Variants in PCDHGA5 observed in about 807,000 individuals in gnomAD.
The protein encoded by PCDHGA5 is protocadherin gamma-A5.
Under a neutral mutation model 56.7 loss-of-function variants are expected in PCDHGA5, and 36 were observed. The observed-to-expected ratio is 0.64, with a 90% CI of 0.49 to 0.84. The LOEUF (loss-of-function observed/expected upper bound fraction) is 0.84. PCDHGA5 is among the 40% of genes least tolerant of loss of function. The pLI, the probability that PCDHGA5 is intolerant of heterozygous loss-of-function variation, is 0.00. For synonymous variants in PCDHGA5, 563 were observed against 520.2 expected, an observed-to-expected ratio of 1.08 and a Z score of -1.12; for missense variants, 1,305 against 1,201.5, an observed-to-expected ratio of 1.09 and a Z score of -1.27.
At chr5:141,366,944 T>C in intron 1 of PCDHGA5, 193 bp downstream of exon 1, 1 of 777,882 alleles carries the variant, frequency 1.3e-6, no homozygotes, top group South Asian at 2.1e-5. Flanking sequence ...GTCTAGCTGA[T>C]ATCTGTAGAC....
At chr5:141,478,723 A>C in intron 1 of PCDHGA5, 16 of 1,543,220 alleles carry the variant, frequency 1.0e-5, no homozygotes, top group Non-Finnish European at 1.3e-5. Flanking sequence ...GTGGCCTGCC[A>C]GAGTGTGGTT....
chr5:141,509,765 T>G (rs1312823974), intron 3 of PCDHGA5, among the ~76,000 whole-genome samples: 2 of 152,120 alleles, frequency 1.3e-5, no homozygotes, highest in Non-Finnish European at 1.5e-5. Flanking sequence ...GTCCCTGAGA[T>G]GTCTAGTCCC....
intron 1 of PCDHGA5, chr5:141,383,733 A>G (rs770047743): frequency 6.8e-6 from 11 of 1,613,886 alleles, no homozygotes; most frequent in South Asian, 6.6e-5. Flanking sequence ...GGGAAGTGAC[A>G]TATTCTTTTC....
rs1771007417 is a variant in PCDHGA5, at chr5:141,374,980, A to G, written c.2421+8229A>G. ...TTTTCTGTTTGAATGTTTTGACTGG[A>G]GAAATTTCAACTTCTGCAAATCTAG... On this transcript the variant is annotated intron_variant, in intron 1 of 3. Transcript: ENST00000518069. 3 of 1,613,920 alleles carry G rather than the reference A, an allele frequency of 1.9e-6. No homozygotes were observed. The Admixed American group carries it at 5.0e-5, about 27-fold the overall frequency.
intron 1 of PCDHGA5, chr5:141,419,142 G>A (rs1351034238): frequency 6.2e-7 from 1 of 1,613,902 alleles, no homozygotes; most frequent in Non-Finnish European, 8.5e-7. Context: ...ACAGACAGGG[G>A]CAAGCCTCCG....
At position 141,490,591 on chromosome 5, in the gene PCDHGA5, G is replaced by A; in HGVS notation, c.2422-4216G>A. 1 of 1,614,100 alleles carries A rather than the reference G, an allele frequency of 6.2e-7. No homozygotes were observed. Among genetic ancestry groups the A allele is most frequent in the African/African-American group, 1.3e-5 (1 of 75,016 alleles). ...CAACATTTCAGATGTCAATGACAAT[G>A]CACCCCGCTTCAACCAGCAGCTTTA... On this transcript the variant is annotated intron_variant, in intron 1 of 3. Coordinates refer to ENST00000518069, the MANE Select transcript of PCDHGA5 (RefSeq NM_018918.3). This position sits in a 1 kb window ranked among gnomAD's most constrained non-coding sequence, Gnocchi z 5.4.
Position 141,388,949 on chromosome 5 carries a change from G to A in PCDHGA5, c.2421+22198G>A. The A allele has an allele frequency of 6.2e-7, 1 of 1,613,986 alleles. No homozygotes were observed. The highest frequency in any genetic ancestry group is 8.5e-7 in the Non-Finnish European group (1 of 1,179,876). On this transcript the variant is annotated intron_variant, in intron 1 of 3. Coordinates refer to ENST00000518069, the MANE Select transcript of PCDHGA5 (RefSeq NM_018918.3). ...TCCAGTCTCTACCCAACCTAATTAT[G>A]GAGGACGCCGAGCTGGGAACACATA...
Position 141,512,089 on chromosome 5 carries a change from T to C in PCDHGA5, c.*916T>C, listed in dbSNP as rs1292597067. 6.6e-6 allele frequency: 1 copy of C among 152,606 alleles called. No individual in the cohort carries two copies. Among genetic ancestry groups the C allele is most frequent in the Non-Finnish European group, 1.5e-5 (1 of 68,068 alleles). 9.5% of individuals were successfully genotyped at this position (152,606 alleles called of 1,614,324 possible). A position where few individuals can be genotyped will look rare whatever the true frequency, so the allele number is the denominator to read the frequency against. ...CCTCCAGATTCCAGCCATAAACCAA[T>C]AACTAGGCTGGACCCTTCCCACTAC... On this transcript the variant is annotated 3_prime_UTR_variant, in exon 4 of 4. Coordinates refer to ENST00000518069, the MANE Select transcript of PCDHGA5 (RefSeq NM_018918.3).
chr5:141,424,353 T>C (rs923306479), intron 1 of PCDHGA5: 1 of 152,246 alleles, frequency 6.6e-6, no homozygotes, highest in African/African-American at 2.4e-5. Flanking sequence ...GGAGATAAAA[T>C]TTAGATCACA....
chr5:141,420,005 C>T, intron 1 of PCDHGA5: 2 of 1,614,056 alleles, frequency 1.2e-6, no homozygotes, highest in Non-Finnish European at 1.7e-6. Context: ...TCTACGCCTG[C>T]GACAGTCTTT....
chr5:141,417,507 A>G (rs573832786), intron 1 of PCDHGA5: 1 of 234,942 alleles, frequency 4.3e-6, no homozygotes, highest in Non-Finnish European at 8.1e-6. Context: ...AAAGATTAAA[A>G]TATTTTGGCT....
At chr5:141,374,467 C>A (rs1430397717) in intron 1 of PCDHGA5, 1 of 1,612,694 alleles carries the variant, frequency 6.2e-7, no homozygotes, top group Admixed American at 1.7e-5. Flanking sequence ...ACATTAATGA[C>A]AATACACCCC....
chr5:141,418,045 G>C (rs754041387), intron 1 of PCDHGA5: 2 of 1,614,002 alleles, frequency 1.2e-6, no homozygotes, highest in Admixed American at 1.7e-5. Context: ...TGGATGTGTC[G>C]GCTCGCGAGC....
chr5:141,394,962 A>G (rs971000405), intron 1 of PCDHGA5: 8 of 1,613,710 alleles, frequency 5.0e-6, no homozygotes, highest in Non-Finnish European at 6.8e-6. Context: ...GCTCAGGCTG[A>G]GGCGCTGGCA....
chr5:141,509,059 C>T (rs1313349089), intron 3 of PCDHGA5, among the ~76,000 whole-genome samples: 2 of 152,182 alleles, frequency 1.3e-5, no homozygotes, highest in Non-Finnish European at 2.9e-5. Flanking sequence ...CCAGAAAGCT[C>T]TCAGCTCCGG....
At position 141,413,553 on chromosome 5, in the gene PCDHGA5, A is replaced by G; in HGVS notation, c.2421+46802A>G. On this transcript the variant is annotated intron_variant, in intron 1 of 3. Coordinates refer to ENST00000518069, the MANE Select transcript of PCDHGA5 (RefSeq NM_018918.3). ...TGAAACTTTTTGGGATAGAAATAGA[A>G]GTAACTGATATCAATGACAATGCTC... The G allele has an allele frequency of 6.2e-7, 1 of 1,613,938 alleles. No individual in the cohort carries two copies. Among genetic ancestry groups the G allele is most frequent in the Non-Finnish European group, 8.5e-7 (1 of 1,179,902 alleles).
intron 1 of PCDHGA5, chr5:141,433,260 C>A: frequency 1.5e-6 from 2 of 1,352,308 alleles, no homozygotes; most frequent in South Asian, 1.4e-5. Flanking sequence ...GCGGTACGAT[C>A]ATAGCTCACT....
chr5:141,418,102 C>T (rs760484009), intron 1 of PCDHGA5: 15 of 1,614,014 alleles, frequency 9.3e-6, no homozygotes, highest in Non-Finnish European at 1.3e-5. Context: ...ACGCGCAGAG[C>T]GGGGACTTAC....
At chr5:141,481,390 G>A (rs553179819) in intron 1 of PCDHGA5, among the ~76,000 whole-genome samples, 2 of 152,346 alleles carry the variant, frequency 1.3e-5, no homozygotes, top group East Asian at 3.9e-4. Context: ...TTGGAGGGAT[G>A]TGACAAAATT....
Sources: allele counts gnomAD v4.1 joint callset (sites outside exome capture counted in the v4.1 genomes callset), GRCh38; gene constraint gnomAD v4.1.1; non-coding constraint Gnocchi (gnomAD v3.1); transcripts MANE v1.5; gene names NCBI Gene and HGNC (gene_info 2026-07-23, HGNC 2026-07-21).